POFUT3: variants seen among roughly 807,000 people sequenced by gnomAD.
POFUT3 encodes the protein protein O-fucosyltransferase 3.
At chr8:33,440,368 C>CAAAT in the POFUT3 span, among the ~76,000 whole-genome samples, 5 of 151,968 alleles carry the variant, frequency 3.3e-5, no homozygotes, top group African/African-American at 1.2e-4. Context: ...TCTCAAGAAA[C>CAAAT]TAATTAATTA....
chr8:33,460,144 G>A, the POFUT3 span, among the ~76,000 whole-genome samples: 3 of 151,378 alleles, frequency 2.0e-5, no homozygotes, highest in South Asian at 2.1e-4. Flanking sequence ...AGCCAAGATC[G>A]TGCCACTGCA....
the POFUT3 span, among the ~76,000 whole-genome samples, chr8:33,438,972 G>A: frequency 6.6e-6 from 1 of 152,094 alleles, no homozygotes; most frequent in Non-Finnish European, 1.5e-5. Context: ...GAGAGATTTG[G>A]GTGGAGACAC....
chr8:33,394,158 C>A, the POFUT3 span: 1 of 205,630 alleles, frequency 4.9e-6, no homozygotes, highest in South Asian at 6.7e-5. Flanking sequence ...GCACTCCAGC[C>A]TGGGTGACAG....
chr8:33,332,033 C>T, the POFUT3 span, among the ~76,000 whole-genome samples: 1 of 151,830 alleles, frequency 6.6e-6, no homozygotes, highest in Non-Finnish European at 1.5e-5. Flanking sequence ...GTACCAGCTA[C>T]TCAGGAAGCT....
chr8:33,422,482 T>A, the POFUT3 span, among the ~76,000 whole-genome samples: 2 of 140,848 alleles, frequency 1.4e-5, no homozygotes, highest in East Asian at 4.4e-4. Context: ...GAGGCAGAGG[T>A]TGCAGTGAGC....
At chr8:33,369,184 T>C in the POFUT3 span, among the ~76,000 whole-genome samples, 12 of 152,158 alleles carry the variant, frequency 7.9e-5, no homozygotes, top group Non-Finnish European at 1.5e-5. Flanking sequence ...CTCATCACAA[T>C]AACCTCACAA....
the POFUT3 span, among the ~76,000 whole-genome samples, chr8:33,368,492 A>G: frequency 6.6e-6 from 1 of 152,220 alleles, no homozygotes; most frequent in Admixed American, 6.5e-5. Context: ...TCTTGCATCC[A>G]TATCACATGG....
At chr8:33,364,997 T>A in the POFUT3 span, among the ~76,000 whole-genome samples, 1 of 152,198 alleles carries the variant, frequency 6.6e-6, no homozygotes, top group African/African-American at 2.4e-5. Flanking sequence ...TCATGCTACC[T>A]GACTTCAAAC....
the POFUT3 span, among the ~76,000 whole-genome samples, chr8:33,320,735 A>C: frequency 6.6e-6 from 1 of 152,094 alleles, no homozygotes; most frequent in East Asian, 1.9e-4. Context: ...ACCAAAACAC[A>C]TGGCCTCCAT....
the POFUT3 span, among the ~76,000 whole-genome samples, chr8:33,430,116 G>T: frequency 6.6e-6 from 1 of 152,006 alleles, no homozygotes; most frequent in Non-Finnish European, 1.5e-5. Context: ...TTTACACCGA[G>T]GCTATGACTG....
At chr8:33,417,831 A>G in the POFUT3 span, among the ~76,000 whole-genome samples, 2 of 152,200 alleles carry the variant, frequency 1.3e-5, no homozygotes, top group Non-Finnish European at 2.9e-5. Flanking sequence ...GAAGGCAGGC[A>G]GCCTGCTCAG....
At chr8:33,322,046 A>G in the POFUT3 span, among the ~76,000 whole-genome samples, 1 of 152,084 alleles carries the variant, frequency 6.6e-6, no homozygotes, top group Admixed American at 6.6e-5. Context: ...AACCCTCAAC[A>G]AATACTTAAC....
the POFUT3 span, among the ~76,000 whole-genome samples, chr8:33,314,003 G>A: frequency 5.9e-5 from 9 of 152,124 alleles, no homozygotes; most frequent in African/African-American, 1.9e-4. Flanking sequence ...AGCACGTAAT[G>A]ACCTCTAGGT....
chr8:33,451,397 T>C, the POFUT3 span, among the ~76,000 whole-genome samples: 3 of 152,126 alleles, frequency 2.0e-5, no homozygotes, highest in African/African-American at 4.8e-5. Context: ...TATGTATGTA[T>C]ATACATGTGT....
the POFUT3 span, among the ~76,000 whole-genome samples, chr8:33,422,972 T>G: frequency 6.6e-6 from 1 of 152,218 alleles, no homozygotes; most frequent in African/African-American, 2.4e-5. Flanking sequence ...TGCACCACCA[T>G]GCCTGGATAA....
the POFUT3 span, among the ~76,000 whole-genome samples, chr8:33,380,836 C>CAA: frequency 2.0e-3 from 244 of 124,778 alleles, no homozygotes; most frequent in East Asian, 3.7e-3. Flanking sequence ...GACCCTGTCT[C>CAA]AAAAAAAAAA....
chr8:33,346,358 CT>C, the POFUT3 span, among the ~76,000 whole-genome samples: 1 of 152,106 alleles, frequency 6.6e-6, no homozygotes, highest in Non-Finnish European at 1.5e-5. Context: ...ACAGGTTGAG[CT>C]TTAGATTACA....
At chr8:33,369,450 A>T in the POFUT3 span, among the ~76,000 whole-genome samples, 1 of 152,200 alleles carries the variant, frequency 6.6e-6, no homozygotes, top group African/African-American at 2.4e-5. Flanking sequence ...AAATTAAAAG[A>T]AAGAAATTTC....
chr8:33,440,467 T>C, the POFUT3 span, among the ~76,000 whole-genome samples: 2 of 152,174 alleles, frequency 1.3e-5, no homozygotes, highest in African/African-American at 4.8e-5. Context: ...TTGTTTTCTT[T>C]GCCACTATAA....
Sources: gnomAD v4.1 joint callset for allele counts (sites outside exome capture counted in the v4.1 genomes callset) on GRCh38, gnomAD v4.1.1 for gene constraint, MANE v1.5 for transcripts, NCBI Gene and HGNC (gene_info 2026-07-23, HGNC 2026-07-21) for gene names.